BBX: variants seen among roughly 807,000 people sequenced by gnomAD.
BBX encodes the protein HMG box transcription factor BBX.
Under a neutral mutation model 100.2 loss-of-function variants are expected in BBX, and 30 were observed. That is an observed-to-expected ratio of 0.30 (90% CI 0.22 to 0.41). BBX has a LOEUF of 0.41. BBX is among the 10% of genes least tolerant of loss of function. The probability of loss-of-function intolerance (pLI) is 1.00; values close to 1 mark genes in which losing one functional copy is unlikely to be tolerated. For synonymous variants in BBX, 376 were observed against 388.1 expected, an observed-to-expected ratio of 0.97 and a Z score of 0.37; for missense variants, 1,023 against 1,129.8, an observed-to-expected ratio of 0.91 and a Z score of 1.35.
chr3:107,548,668 G>C (rs1010457679), intron 2 of BBX, among the ~76,000 whole-genome samples: 1 of 152,144 alleles, frequency 6.6e-6, no homozygotes, highest in African/African-American at 2.4e-5. Context: ...AATTTGTTTT[G>C]TCAAAAAGAC....
chr3:107,775,055 T>C lies in BBX; in HGVS notation c.2054+198T>C, dbSNP rs34122256. Among the ~76,000 whole-genome samples, 204 of 152,322 alleles carry C rather than the reference T, an allele frequency of 1.3e-3. 7 individuals are homozygous for C. In the East Asian group the frequency reaches 0.037, roughly 27 times the overall value. ...CCTGCTGTTAACATGGTCATGTGAA[T>C]GACAGTAACATTCACATTTTGATCA... On this transcript the variant is annotated intron_variant, in intron 12 of 17. Coordinates refer to ENST00000325805, the MANE Select transcript of BBX (RefSeq NM_001142568.3).
intron 2 of BBX, among the ~76,000 whole-genome samples, chr3:107,535,572 T>C (rs2048433833): frequency 6.6e-6 from 1 of 151,700 alleles, no homozygotes; most frequent in Non-Finnish European, 1.5e-5. Context: ...CTGAATATTC[T>C]ATATCGTTTG....
At chr3:107,663,172 G>A (rs1245133254) in intron 3 of BBX, among the ~76,000 whole-genome samples, 3 of 152,190 alleles carry the variant, frequency 2.0e-5, no homozygotes, top group Non-Finnish European at 2.9e-5. Flanking sequence ...TGTCCCTATG[G>A]TCTGCAAGCT....
At chr3:107,750,157 G>C (rs1196359091) in intron 9 of BBX, among the ~76,000 whole-genome samples, 31 of 152,116 alleles carry the variant, frequency 2.0e-4, no homozygotes, top group Admixed American at 2.0e-3. Context: ...TTTTCTTCTA[G>C]AGAAGAAAAG....
intron 2 of BBX, among the ~76,000 whole-genome samples, chr3:107,532,338 T>A (rs2048218514): frequency 6.6e-6 from 1 of 152,118 alleles, no homozygotes; most frequent in Non-Finnish European, 1.5e-5. Context: ...TTAAAAAAAG[T>A]CAAGAAAGGC....
rs540418917 is a variant in BBX at position 107,783,945 on chromosome 3, C to CA, written c.2203+5432dup. ...TAGAAGGATTGCTTAGTGTAGTCAT[C>CA]AAAAAACACTTGCACAGATTTATGG... On this transcript the variant is annotated intron_variant, in intron 13 of 17. Transcript: ENST00000325805. Among the ~76,000 whole-genome samples, 52 of 152,074 alleles carry CA rather than the reference C, an allele frequency of 3.4e-4. No homozygotes were observed. The South Asian group carries it at 9.1e-3, about 27-fold the overall frequency.
intron 12 of BBX, 123 bp downstream of exon 12, chr3:107,774,980 C>G: frequency 8.5e-7 from 1 of 1,177,184 alleles, no homozygotes; most frequent in Non-Finnish European, 1.2e-6. Flanking sequence ...GGACTTCCTA[C>G]AATCTTAGTA....
chr3:107,632,355 G>T (rs1048330189), intron 2 of BBX, among the ~76,000 whole-genome samples: 1 of 152,262 alleles, frequency 6.6e-6, no homozygotes, highest in African/African-American at 2.4e-5. Flanking sequence ...AAAGTGCTGG[G>T]ATTACAGGCG....
chr3:107,556,491 T>C (rs150147692), intron 2 of BBX, among the ~76,000 whole-genome samples: 1 of 152,264 alleles, frequency 6.6e-6, no homozygotes, highest in East Asian at 1.9e-4. Flanking sequence ...TTATACAGCT[T>C]TATAAGTACC....
intron 2 of BBX, among the ~76,000 whole-genome samples, chr3:107,554,613 A>T: frequency 6.6e-6 from 1 of 152,144 alleles, no homozygotes; most frequent in Non-Finnish European, 1.5e-5. Context: ...TCTTTAATTT[A>T]TTCTGTCTAG....
intron 2 of BBX, among the ~76,000 whole-genome samples, chr3:107,558,581 G>C (rs183120386): frequency 1.3e-5 from 2 of 152,268 alleles, no homozygotes; most frequent in Admixed American, 1.3e-4. Context: ...AGTGAGAGAG[G>C]AGCATAATTT....
intron 2 of BBX, among the ~76,000 whole-genome samples, chr3:107,546,101 C>T (rs1458381110): frequency 6.6e-6 from 1 of 152,168 alleles, no homozygotes; most frequent in Non-Finnish European, 1.5e-5. Flanking sequence ...AATACACAAC[C>T]TGTCCCAAGC....
intron 17 of BBX, among the ~76,000 whole-genome samples, chr3:107,801,979 G>C (rs757081934): frequency 6.6e-6 from 1 of 152,228 alleles, no homozygotes; most frequent in African/African-American, 2.4e-5. Context: ...GTAAGCATCA[G>C]ACGAGATCAT....
intron 7 of BBX, among the ~76,000 whole-genome samples, chr3:107,740,480 C>T (rs1225411973): frequency 2.0e-5 from 3 of 152,040 alleles, no homozygotes; most frequent in African/African-American, 7.2e-5. Flanking sequence ...AATTAGCCTC[C>T]TGCCTCCAGT....
At chr3:107,740,859 A>G (rs2064036518) in intron 7 of BBX, among the ~76,000 whole-genome samples, 1 of 151,340 alleles carries the variant, frequency 6.6e-6, no homozygotes, top group Non-Finnish European at 1.5e-5. Flanking sequence ...ATATTCTACC[A>G]TTATGCACTT....
chr3:107,772,966 C>T lies in BBX; in HGVS notation c.1245C>T (p.Ser415=). The T allele has an allele frequency of 6.2e-7, 1 of 1,613,128 alleles. No individual in the cohort carries two copies. Among genetic ancestry groups the T allele is most frequent in the Non-Finnish European group, 8.5e-7 (1 of 1,179,780 alleles). Reference sequence around the variant, plus strand: ...CTGATTTTTCTTATTCTGCCAGTAGCAAGATAATAATTAGTGATGTTCCCA... The same window carrying T: ...CTGATTTTTCTTATTCTGCCAGTAGTAAGATAATAATTAGTGATGTTCCCA... ...HFPDFSYSAS[S]KIIISDVPSR... The change falls in exon 11 of 18, where the codon AGC becomes AGT. Residue 415 remains serine, a synonymous_variant. Transcript: ENST00000325805.
intron 3 of BBX, among the ~76,000 whole-genome samples, chr3:107,672,871 A>T (rs770288866): frequency 1.2e-4 from 19 of 152,070 alleles, no homozygotes; most frequent in African/African-American, 4.6e-4. Context: ...TTAAAAAATT[A>T]AATAAACTTT....
At chr3:107,557,190 A>G (rs976147866) in intron 2 of BBX, among the ~76,000 whole-genome samples, 30 of 152,234 alleles carry the variant, frequency 2.0e-4, no homozygotes, top group Admixed American at 1.6e-3. Context: ...CCATCAAGAA[A>G]ATGGATGTCT....
intron 2 of BBX, among the ~76,000 whole-genome samples, chr3:107,587,596 A>T (rs764758802): frequency 3.3e-4 from 50 of 152,312 alleles, no homozygotes; most frequent in Non-Finnish European, 5.0e-4. Context: ...TAGAGGAGCC[A>T]GGCAGGAAGC....
Sources: gnomAD v4.1 joint callset for allele counts (sites outside exome capture counted in the v4.1 genomes callset) on GRCh38, gnomAD v4.1.1 for gene constraint, MANE v1.5 for transcripts, NCBI Gene and HGNC (gene_info 2026-07-23, HGNC 2026-07-21) for gene names.